The following CRYL1 variants were observed in gnomAD, a reference collection of about 807,000 sequenced individuals.
CRYL1 encodes crystallin lambda 1.
CRYL1 carries 29 observed loss-of-function variants against 36.6 expected under a neutral mutation model. The ratio of observed to expected loss-of-function variants is 0.79; its 90% CI spans 0.59 to 1.08. CRYL1 has a LOEUF of 1.08. Ranked by LOEUF, CRYL1 falls within the 50% of genes least tolerant of loss-of-function variation. The pLI is 0.00. For missense variants in CRYL1, 411 were observed against 407.9 expected, an observed-to-expected ratio of 1.01 and a Z score of -0.06; for synonymous variants, 152 against 151.5, an observed-to-expected ratio of 1.00 and a Z score of -0.02.
At chr13:20,495,444 T>C (rs142895200) in intron 2 of CRYL1, among the ~76,000 whole-genome samples, 3 of 152,312 alleles carry the variant, frequency 2.0e-5, no homozygotes, top group Non-Finnish European at 2.9e-5. Flanking sequence ...GATTTTAATT[T>C]TTTTTAATGT....
intron 1 of CRYL1, among the ~76,000 whole-genome samples, chr13:20,520,619 A>G (rs1174849727): frequency 6.6e-6 from 1 of 152,164 alleles, no homozygotes; most frequent in Non-Finnish European, 1.5e-5. Flanking sequence ...GAGGACCAAC[A>G]GCAGACCGCT....
chr13:20,409,477 G>C (rs1203718156), intron 6 of CRYL1, among the ~76,000 whole-genome samples: 1 of 151,410 alleles, frequency 6.6e-6, no homozygotes, highest in Non-Finnish European at 1.5e-5. Context: ...CATGGGCAAG[G>C]ACTTCATGTC....
chr13:20,406,100 C>T (rs2031367044), intron 6 of CRYL1: 1 of 152,198 alleles, frequency 6.6e-6, no homozygotes, highest in Non-Finnish European at 1.5e-5. Flanking sequence ...CTTTCAAACC[C>T]TTAAAGGCTC....
chr13:20,433,013 C>T (rs985414400), intron 4 of CRYL1, among the ~76,000 whole-genome samples: 10 of 152,258 alleles, frequency 6.6e-5, no homozygotes, highest in Middle Eastern at 3.4e-3. Flanking sequence ...GCCAGATCAT[C>T]TCAAAAATAA....
chr13:20,522,347 G>A (rs1422418691), intron 1 of CRYL1, among the ~76,000 whole-genome samples: 4 of 143,844 alleles, frequency 2.8e-5, no homozygotes, highest in Non-Finnish European at 3.1e-5. Context: ...GCAAGAATCC[G>A]TCTCAAAAAA....
intron 5 of CRYL1, among the ~76,000 whole-genome samples, chr13:20,419,799 C>T (rs1321400278): frequency 6.6e-6 from 1 of 152,198 alleles, no homozygotes; most frequent in Non-Finnish European, 1.5e-5. Flanking sequence ...GTTCCCTCCA[C>T]TTATACATAC....
chr13:20,466,515 G>A (rs573779658), intron 3 of CRYL1, among the ~76,000 whole-genome samples: 2 of 152,224 alleles, frequency 1.3e-5, no homozygotes, highest in African/African-American at 2.4e-5. Flanking sequence ...ACACACGCAC[G>A]CACACACAAA....
chr13:20,500,740 G>A (rs1052613078), intron 2 of CRYL1, among the ~76,000 whole-genome samples: 3 of 152,180 alleles, frequency 2.0e-5, no homozygotes, highest in African/African-American at 7.2e-5. Context: ...CAGCAGGAAG[G>A]AGACAGAAAG....
At chr13:20,519,053 C>A (rs2034050429) in intron 1 of CRYL1, among the ~76,000 whole-genome samples, 1 of 152,112 alleles carries the variant, frequency 6.6e-6, no homozygotes, top group African/African-American at 2.4e-5. Context: ...GGTTCAGAGC[C>A]AAGGGCTGGG....
At position 20,439,621 on chromosome 13, in the gene CRYL1, T is replaced by C. The variant is rs778103120; in HGVS notation, c.410A>G (p.His137Arg). ...MPSKLFAGLV[H>R]VKQCIVAHPV... is the part of the protein sequence containing the mutation. ...ATGAGCCACGATGCATTGCTTCACA[T>C]GGACCAAGCCAGCAAACAACTTGGA... The change falls in exon 4 of 8, where the codon CAT (histidine) becomes CGT (arginine). Residue 137 changes from histidine (H) to arginine (R), a missense_variant. Transcript: ENST00000298248. The C allele has an allele frequency of 4.3e-6, 7 of 1,612,366 alleles. No individual in the cohort carries two copies. Among genetic ancestry groups the C allele is most frequent in the Non-Finnish European group, 5.9e-6 (7 of 1,179,564 alleles).
intron 3 of CRYL1, among the ~76,000 whole-genome samples, chr13:20,471,763 A>C (rs2033065773): frequency 6.6e-6 from 1 of 151,916 alleles, no homozygotes; most frequent in African/African-American, 2.4e-5. Context: ...TGGATGCTAA[A>C]ATTCGAGGAT....
intron 2 of CRYL1, among the ~76,000 whole-genome samples, chr13:20,490,552 A>T (rs1417143877): frequency 6.6e-6 from 1 of 152,270 alleles, no homozygotes; most frequent in African/African-American, 2.4e-5. Context: ...CAATGTAAAT[A>T]TACTTAATAT....
intron 3 of CRYL1, among the ~76,000 whole-genome samples, chr13:20,468,590 C>T (rs1351123987): frequency 6.6e-6 from 1 of 152,112 alleles, no homozygotes; most frequent in Non-Finnish European, 1.5e-5. Flanking sequence ...ATCACCTTCT[C>T]CCTTTACCTA....
At chr13:20,439,537 A>G in intron 4 of CRYL1, 56 bp downstream of exon 4, 2 of 1,370,138 alleles carry the variant, frequency 1.5e-6, no homozygotes, top group Admixed American at 2.5e-5. Context: ...AAAAGAAAAA[A>G]AAAAAACACA....
intron 5 of CRYL1, among the ~76,000 whole-genome samples, chr13:20,423,723 G>T (rs574664798): frequency 9.4e-4 from 142 of 150,534 alleles, no homozygotes; most frequent in Non-Finnish European, 2.9e-4. Flanking sequence ...AGGCTCTCTC[G>T]GTGGACACTG....
chr13:20,436,485 C>G (rs2137397903), intron 4 of CRYL1, among the ~76,000 whole-genome samples: 1 of 152,278 alleles, frequency 6.6e-6, no homozygotes, highest in East Asian at 1.9e-4. Flanking sequence ...CGTGGGAATT[C>G]GGGAGTCACT....
intron 2 of CRYL1, among the ~76,000 whole-genome samples, chr13:20,499,704 T>C (rs2033672303): frequency 6.6e-6 from 1 of 152,178 alleles, no homozygotes; most frequent in African/African-American, 2.4e-5. Flanking sequence ...GTTGTTTAGC[T>C]CCCTTTGGTT....
chr13:20,525,739 C>A lies in CRYL1; in HGVS notation c.41+15G>T. ...CCGGGCTCCAGGGGCAGCAGCGCGG[C>A]TCGGAGCCCTTTACCTGCCAACGAT... On this transcript the variant is annotated intron_variant, in intron 1 of 7. Coordinates refer to ENST00000298248, the MANE Select transcript of CRYL1 (RefSeq NM_015974.3). The surrounding 1 kb of genome is among the most constrained non-coding windows in gnomAD (Gnocchi z 4.3). 2 of 1,346,422 alleles carry A rather than the reference C, an allele frequency of 1.5e-6. No individual in the cohort carries two copies. The highest frequency in any genetic ancestry group is 9.6e-7 in the Non-Finnish European group (1 of 1,044,980). The allele number at this position is 1,346,422 out of a possible 1,614,324, so 83.4% of individuals were successfully genotyped here.
At chr13:20,510,490 G>A (rs2033893389) in intron 2 of CRYL1, among the ~76,000 whole-genome samples, 1 of 152,174 alleles carries the variant, frequency 6.6e-6, no homozygotes, top group South Asian at 2.1e-4. Context: ...CGGTTGGGGG[G>A]AAGGGAGGGA....
Sources: allele counts gnomAD v4.1 joint callset (sites outside exome capture counted in the v4.1 genomes callset), GRCh38; gene constraint gnomAD v4.1.1; non-coding constraint Gnocchi (gnomAD v3.1); transcripts MANE v1.5; gene names NCBI Gene and HGNC (gene_info 2026-07-23, HGNC 2026-07-21).